The following TPO variants were observed in gnomAD, a reference collection of about 807,000 sequenced individuals.
TPO encodes the protein thyroid peroxidase, also known as thyroid microsomal antigen.
Under a neutral mutation model 96.9 loss-of-function variants are expected in TPO, and 78 were observed. The observed-to-expected ratio is 0.81, with a 90% CI of 0.67 to 0.97. TPO has a LOEUF of 0.97. Ranked by LOEUF, TPO falls within the 50% of genes least tolerant of loss-of-function variation. TPO has a pLI of 0.00. For missense variants in TPO, 1,252 were observed against 1,274.8 expected, an observed-to-expected ratio of 0.98 and a Z score of 0.27; for synonymous variants, 547 against 538.0, an observed-to-expected ratio of 1.02 and a Z score of -0.23.
At chr2:1,428,630 GCC>G (rs1664669888) in intron 3 of TPO, among the ~76,000 whole-genome samples, 1 of 152,194 alleles carries the variant, frequency 6.6e-6, no homozygotes, top group Non-Finnish European at 1.5e-5. Context: ...AGACAGGTGA[GCC>G]CTCGAGTGGG....
At chr2:1,472,503 A>T (rs553119178) in intron 7 of TPO, among the ~76,000 whole-genome samples, 8 of 152,278 alleles carry the variant, frequency 5.3e-5, no homozygotes, top group African/African-American at 1.9e-4. Context: ...CACGTTCTGT[A>T]TCTTGGATTC....
At chr2:1,480,723 C>T (rs919452161) in intron 8 of TPO, among the ~76,000 whole-genome samples, 2 of 151,788 alleles carry the variant, frequency 1.3e-5, no homozygotes, top group East Asian at 1.9e-4. Flanking sequence ...CTCCTTCATC[C>T]GTCCAAACCA....
chr2:1,488,949 C>T (rs1449603606), intron 10 of TPO, among the ~76,000 whole-genome samples: 1 of 152,202 alleles, frequency 6.6e-6, no homozygotes, highest in Non-Finnish European at 1.5e-5. Flanking sequence ...CGCACACTGT[C>T]CCCCTCACTC....
At chr2:1,423,332 G>A (rs1034184582) in intron 3 of TPO, among the ~76,000 whole-genome samples, 1 of 152,182 alleles carries the variant, frequency 6.6e-6, no homozygotes. Flanking sequence ...AAGACACAAA[G>A]GAGGAGCACC....
At chr2:1,528,061 G>A (rs1677045214) in intron 15 of TPO, among the ~76,000 whole-genome samples, 1 of 140,770 alleles carries the variant, frequency 7.1e-6, no homozygotes, top group South Asian at 2.4e-4. Context: ...CCCACTGTGT[G>A]CAACCCCCCC....
intron 1 of TPO, among the ~76,000 whole-genome samples, chr2:1,406,839 G>A (rs1662256731): frequency 2.6e-5 from 4 of 152,208 alleles, no homozygotes; most frequent in Non-Finnish European, 5.9e-5. Context: ...ACCTTAGACA[G>A]GATGTTTCTC....
rs745582362 is a variant in TPO, at chr2:1,423,116, G to A, written c.166G>A (p.Ala56Thr). 18 of 1,613,746 alleles carry A rather than the reference G, an allele frequency of 1.1e-5. No homozygotes were observed. Among genetic ancestry groups the A allele is most frequent in the Middle Eastern group, 1.6e-4 (1 of 6,080 alleles). ...SKRLVDTAMY[A>T]TMQRNLKKRG... ...GCGCCTGGTGGACACCGCCATGTAC[G>A]CCACGATGCAGAGGTGAGCCTTGCG... Residue 56 changes from alanine to threonine, a missense_variant, in exon 3 of 17, where the codon GCC becomes ACC. Physicochemically the swap from Ala to Thr is moderately conservative, Grantham distance 58. Transcript: ENST00000329066.
At chr2:1,503,277 C>A (rs572258169) in intron 13 of TPO, among the ~76,000 whole-genome samples, 3 of 152,166 alleles carry the variant, frequency 2.0e-5, no homozygotes, top group Non-Finnish European at 4.4e-5. Flanking sequence ...TGGAAGAGCT[C>A]GTGTTCCCCA....
intron 7 of TPO, among the ~76,000 whole-genome samples, chr2:1,460,989 G>A (rs1325290501): frequency 6.6e-6 from 1 of 152,224 alleles, no homozygotes; most frequent in Non-Finnish European, 1.5e-5. Flanking sequence ...AAGAAGGAGG[G>A]ATTGTTCTTG....
rs554989865 is a variant in TPO, at chr2:1,540,689, C to CACCGCAGCGG, written c.2715_2724dup (p.Ala909ThrfsTer75). The CACCGCAGCGG allele has an allele frequency of 2.4e-4, 389 of 1,613,384 alleles. 1 individual carries two copies. The African/African-American group carries it at 4.9e-3, about 20-fold the overall frequency. Reference sequence around the variant, plus strand: ...GGAAAGCACCAGGCCGTAGGGACCTCACCGCAGCGGGCCGCAGCTCAGGAC... The same window carrying CACCGCAGCGG: ...GGAAAGCACCAGGCCGTAGGGACCTCACCGCAGCGGACCGCAGCGGGCCGCAGCTCAGGAC... On this transcript the variant is annotated frameshift_variant, in exon 16 of 17. Coordinates refer to ENST00000329066, the MANE Select transcript of TPO (RefSeq NM_001206744.2). LOFTEE classifies it low-confidence loss of function (END_TRUNC).
At chr2:1,391,147 A>G (rs928847765) in intron 1 of TPO, among the ~76,000 whole-genome samples, 1 of 152,030 alleles carries the variant, frequency 6.6e-6, no homozygotes, top group African/African-American at 2.4e-5. Flanking sequence ...TTTCTTCTAG[A>G]TTTTCTATGG....
intron 11 of TPO, among the ~76,000 whole-genome samples, chr2:1,495,278 A>G (rs1672210375): frequency 6.6e-6 from 1 of 152,222 alleles, no homozygotes; most frequent in African/African-American, 2.4e-5. Flanking sequence ...TGTGATGGGA[A>G]GCAGAAGAGT....
chr2:1,525,387 C>T (rs527650504), intron 15 of TPO, among the ~76,000 whole-genome samples: 1,807 of 77,500 alleles, frequency 0.023, 8 homozygotes, highest in Middle Eastern at 0.031. Flanking sequence ...ACCACAAATC[C>T]CCCCAATGTG....
chr2:1,461,213 T>C (rs921636854), intron 7 of TPO, among the ~76,000 whole-genome samples: 2 of 152,062 alleles, frequency 1.3e-5, no homozygotes, highest in Non-Finnish European at 2.9e-5. Context: ...GTATCCAGGG[T>C]CACGTGATGG....
At chr2:1,508,893 T>C (rs1673769135) in intron 14 of TPO, among the ~76,000 whole-genome samples, 1 of 152,260 alleles carries the variant, frequency 6.6e-6, no homozygotes, top group Non-Finnish European at 1.5e-5. Context: ...CCTTCAGTTC[T>C]GCTCTGATCT....
intron 13 of TPO, among the ~76,000 whole-genome samples, chr2:1,502,635 C>T (rs371088326): frequency 1.3e-5 from 2 of 152,220 alleles, no homozygotes; most frequent in South Asian, 4.2e-4. Context: ...GGTGATCTAC[C>T]CACCTCAGCC....
At chr2:1,455,286 C>G (rs1163233742) in intron 6 of TPO, among the ~76,000 whole-genome samples, 1 of 152,200 alleles carries the variant, frequency 6.6e-6, no homozygotes, top group Non-Finnish European at 1.5e-5. Context: ...GTGCGAGAGG[C>G]ATTTTTCTGC....
At position 1,496,209 on chromosome 2, in the gene TPO, TCTC is replaced by T; in HGVS notation, c.2215+16_2215+18del. On this transcript the variant is annotated intron_variant, in intron 12 of 16. Transcript: ENST00000329066. Reference sequence around the variant, plus strand: ...AACCTTTCCTCAAGGTGAAGTTCGGTCTCCTCTCACACCACGTTACAGCACGTG... The same window carrying T: ...AACCTTTCCTCAAGGTGAAGTTCGGTCTCTCACACCACGTTACAGCACGTG... 6.2e-7 allele frequency: 1 copy of T among 1,612,988 alleles called. No individual in the cohort carries two copies. The highest frequency in any genetic ancestry group is 2.2e-5 in the East Asian group (1 of 44,862).
chr2:1,460,266 A>C (rs1469976356), intron 7 of TPO, among the ~76,000 whole-genome samples: 1 of 152,128 alleles, frequency 6.6e-6, no homozygotes, highest in Non-Finnish European at 1.5e-5. Flanking sequence ...TCAGGACCCC[A>C]AAGTTCTCAT....
Sources: gnomAD v4.1 joint callset for allele counts (sites outside exome capture counted in the v4.1 genomes callset) on GRCh38, gnomAD v4.1.1 for gene constraint, MANE v1.5 for transcripts, NCBI Gene and HGNC (gene_info 2026-07-23, HGNC 2026-07-21) for gene names.